EFNA5: variants seen among roughly 807,000 people sequenced by gnomAD.
The protein encoded by EFNA5 is ephrin A5.
EFNA5 carries 5 observed loss-of-function variants against 22.9 expected under a neutral mutation model. That is an observed-to-expected ratio of 0.22 (90% CI 0.11 to 0.46). The LOEUF is 0.46. Ranked by LOEUF, EFNA5 falls within the 20% of genes least tolerant of loss-of-function variation. The pLI is 0.99. For missense variants in EFNA5, 237 were observed against 293.3 expected (o/e 0.81, Z 1.40); for synonymous variants, 113 against 112.2 (o/e 1.01, Z -0.04).
At chr5:107,392,566 G>C (rs1373604488) in intron 2 of EFNA5, among the ~76,000 whole-genome samples, 2 of 152,274 alleles carry the variant, frequency 1.3e-5, no homozygotes, top group African/African-American at 2.4e-5. Flanking sequence ...CCTTGGGAGA[G>C]ACTCAAAGGA....
At chr5:107,472,795 G>A (rs546990990) in intron 1 of EFNA5, among the ~76,000 whole-genome samples, 101 of 152,240 alleles carry the variant, frequency 6.6e-4, no homozygotes, top group Non-Finnish European at 1.2e-3. Flanking sequence ...AGGTAAGAGA[G>A]CTAGAATGAC....
At chr5:107,610,825 C>T (rs1749809254) in intron 1 of EFNA5, among the ~76,000 whole-genome samples, 1 of 152,078 alleles carries the variant, frequency 6.6e-6, no homozygotes. Flanking sequence ...TCCATAGCGG[C>T]ACGGAGGCAT....
intron 1 of EFNA5, among the ~76,000 whole-genome samples, chr5:107,521,051 C>T (rs1747584793): frequency 6.6e-6 from 1 of 152,066 alleles, no homozygotes; most frequent in Admixed American, 6.6e-5. Flanking sequence ...CACCATTAGA[C>T]CTATACAGAT....
intron 1 of EFNA5, among the ~76,000 whole-genome samples, chr5:107,494,426 C>T (rs25972): frequency 0.61 from 92,553 of 152,038 alleles, 30,709 homozygotes; most frequent in African/African-American, 0.88. Flanking sequence ...GCCCCAGCAG[C>T]GCCAGCCCAC....
intron 1 of EFNA5, among the ~76,000 whole-genome samples, chr5:107,599,227 G>T (rs139215205): frequency 1.3e-5 from 2 of 152,194 alleles, no homozygotes; most frequent in East Asian, 3.9e-4. Flanking sequence ...CCATCACTAG[G>T]GAGCTCCTAA....
chr5:107,538,499 T>C (rs1747972929), intron 1 of EFNA5, among the ~76,000 whole-genome samples: 1 of 152,170 alleles, frequency 6.6e-6, no homozygotes, highest in Non-Finnish European at 1.5e-5. Flanking sequence ...GTCTGAGCAG[T>C]AAGTACAATG....
chr5:107,411,644 T>C (rs1748368640), intron 2 of EFNA5, among the ~76,000 whole-genome samples: 1 of 152,216 alleles, frequency 6.6e-6, no homozygotes, highest in Admixed American at 6.5e-5. Context: ...AAGTCTCTCT[T>C]TTTGTTTGTT....
At chr5:107,513,463 A>T (rs927959464) in intron 1 of EFNA5, among the ~76,000 whole-genome samples, 5 of 152,342 alleles carry the variant, frequency 3.3e-5, no homozygotes, top group South Asian at 2.1e-4. Context: ...GAAATGAGTC[A>T]AAGTGTCTCA....
At chr5:107,577,084 C>T (rs571154489) in intron 1 of EFNA5, among the ~76,000 whole-genome samples, 1 of 152,162 alleles carries the variant, frequency 6.6e-6, no homozygotes, top group African/African-American at 2.4e-5. Flanking sequence ...ACCAGTTTTT[C>T]GCCCTTGCCT....
chr5:107,487,827 T>G (rs1178811530), intron 1 of EFNA5, among the ~76,000 whole-genome samples: 1 of 152,216 alleles, frequency 6.6e-6, no homozygotes, highest in African/African-American at 2.4e-5. Flanking sequence ...AAGCACAGTG[T>G]TTGTATAACA....
chr5:107,471,376 C>T (rs2112386136), intron 1 of EFNA5, among the ~76,000 whole-genome samples: 1 of 152,160 alleles, frequency 6.6e-6, no homozygotes, highest in Non-Finnish European at 1.5e-5. Context: ...CCTTCATAGC[C>T]CACCAAGATC....
intron 1 of EFNA5, among the ~76,000 whole-genome samples, chr5:107,436,445 G>A (rs955469091): frequency 3.3e-5 from 5 of 152,150 alleles, no homozygotes; most frequent in African/African-American, 1.2e-4. Context: ...GAGTTCTAAA[G>A]ACCTAACACA....
chr5:107,564,683 G>T (rs910443774), intron 1 of EFNA5, among the ~76,000 whole-genome samples: 2 of 148,962 alleles, frequency 1.3e-5, no homozygotes, highest in Non-Finnish European at 1.5e-5. Flanking sequence ...AATGACCTGG[G>T]CAGGTCCCTG....
chr5:107,426,697 T>C (rs1255924312), intron 2 of EFNA5, among the ~76,000 whole-genome samples: 2 of 152,184 alleles, frequency 1.3e-5, no homozygotes. Context: ...TCTTCACAAG[T>C]CTTTCCTGTT....
intron 1 of EFNA5, among the ~76,000 whole-genome samples, chr5:107,464,907 C>T (rs903852947): frequency 2.0e-5 from 3 of 152,170 alleles, no homozygotes; most frequent in Non-Finnish European, 4.4e-5. Context: ...AGACTATGTT[C>T]GCAGCCATCC....
intron 1 of EFNA5, among the ~76,000 whole-genome samples, chr5:107,459,664 G>C (rs1472781327): frequency 6.6e-6 from 1 of 152,120 alleles, no homozygotes; most frequent in Non-Finnish European, 1.5e-5. Context: ...TGAGAGTTGA[G>C]AGTTTCTTCC....
At chr5:107,423,021 G>C (rs1157657419) in intron 2 of EFNA5, among the ~76,000 whole-genome samples, 3 of 152,146 alleles carry the variant, frequency 2.0e-5, no homozygotes, top group Non-Finnish European at 4.4e-5. Context: ...CCACTGTACG[G>C]ATGTTATCTT....
At chr5:107,591,763 G>A (rs6898233) in intron 1 of EFNA5, among the ~76,000 whole-genome samples, 1 of 136,690 alleles carries the variant, frequency 7.3e-6, no homozygotes, top group African/African-American at 2.9e-5. Flanking sequence ...GGAAGTTGCA[G>A]TGAGCCAAGA....
chr5:107,381,602 T>G (rs149195144), intron 4 of EFNA5, among the ~76,000 whole-genome samples: 2 of 152,246 alleles, frequency 1.3e-5, no homozygotes, highest in South Asian at 2.1e-4. Context: ...CCTTAAAAAT[T>G]GAGGGGAAAA....
Sources: gnomAD v4.1 joint callset for allele counts (sites outside exome capture counted in the v4.1 genomes callset) on GRCh38, gnomAD v4.1.1 for gene constraint, MANE v1.5 for transcripts, NCBI Gene and HGNC (gene_info 2026-07-23, HGNC 2026-07-21) for gene names.